ENPP2: variants seen among roughly 807,000 people sequenced by gnomAD.
ENPP2 encodes the protein ectonucleotide pyrophosphatase/phosphodiesterase 2.
ENPP2 carries 51 observed loss-of-function variants against 120.2 expected under a neutral mutation model. The ratio of observed to expected loss-of-function variants is 0.42; its 90% CI spans 0.34 to 0.54. The LOEUF is 0.54. Among genes scored for constraint, ENPP2 ranks in the 20% least tolerant of loss-of-function variants. ENPP2 has a pLI of 0.04. For synonymous variants in ENPP2, 365 were observed against 366.4 expected (o/e 1.00, Z 0.04); for missense variants, 920 against 1,066.5 (o/e 0.86, Z 1.91).
intron 11 of ENPP2, among the ~76,000 whole-genome samples, chr8:119,599,265 T>C (rs1250189233): frequency 6.6e-6 from 1 of 152,210 alleles, no homozygotes; most frequent in African/African-American, 2.4e-5. Context: ...TGGTTTTACG[T>C]AGCTATTAGT....
intron 20 of ENPP2, 49 bp downstream of exon 20, chr8:119,570,656 T>G: frequency 9.7e-7 from 1 of 1,031,996 alleles, no homozygotes. Context: ...TGTATTAACA[T>G]GAGGAATGTA....
intron 2 of ENPP2, among the ~76,000 whole-genome samples, chr8:119,634,460 C>T (rs4404943): frequency 0.12 from 18,122 of 152,130 alleles, 1,219 homozygotes; most frequent in South Asian, 0.16. Flanking sequence ...AGTTTAAACA[C>T]TGGCCTTCAA....
intron 18 of ENPP2, 63 bp downstream of exon 18, chr8:119,582,355 A>G: frequency 7.8e-7 from 1 of 1,281,910 alleles, no homozygotes; most frequent in Non-Finnish European, 1.1e-6. Context: ...AGAAAGTTCT[A>G]TGGGCCAGCA....
intron 1 of ENPP2, among the ~76,000 whole-genome samples, chr8:119,649,531 A>G (rs1289303825): frequency 6.6e-6 from 1 of 152,218 alleles, no homozygotes; most frequent in Non-Finnish European, 1.5e-5. Context: ...AATCACTGAG[A>G]TATATTAAAG....
intron 12 of ENPP2, among the ~76,000 whole-genome samples, chr8:119,593,343 T>C (rs1587420309): frequency 1.3e-5 from 2 of 152,264 alleles, no homozygotes; most frequent in South Asian, 4.2e-4. Context: ...TTCTTTATCA[T>C]ATTTAGATGT....
At chr8:119,580,069 C>T (rs765724758) in intron 19 of ENPP2, 47 bp downstream of exon 19, 75 of 1,398,870 alleles carry the variant, frequency 5.4e-5, no homozygotes, top group Admixed American at 7.0e-5. Context: ...TTTCGATTTT[C>T]GAAAACGAGA....
chr8:119,655,126 A>G (rs1817731441), intron 1 of ENPP2, among the ~76,000 whole-genome samples: 1 of 152,214 alleles, frequency 6.6e-6, no homozygotes, highest in Admixed American at 6.5e-5. Context: ...AGCTAAGAAA[A>G]GAAGAAAGAA....
chr8:119,594,252 A>G (rs996770897), intron 11 of ENPP2, among the ~76,000 whole-genome samples: 1 of 152,242 alleles, frequency 6.6e-6, no homozygotes, highest in South Asian at 2.1e-4. Flanking sequence ...GCAAGAAGAT[A>G]GACGCTAAGT....
chr8:119,631,508 G>A (rs1054332926), intron 2 of ENPP2, among the ~76,000 whole-genome samples: 6 of 151,982 alleles, frequency 3.9e-5, no homozygotes, highest in East Asian at 1.9e-4. Context: ...GAGCCACCAC[G>A]CCCAGTCTAT....
rs141815516 is a variant in ENPP2, at chr8:119,580,358, T to C, written c.1729-191A>G. ...ACATTCTGGGCTCCACCTCTAGCAGTTCTATGTTTGTAAGCACCTTCTTCA... is the reference window on the plus strand; with the variant it reads ...ACATTCTGGGCTCCACCTCTAGCAGCTCTATGTTTGTAAGCACCTTCTTCA... On this transcript the variant is annotated intron_variant, in intron 18 of 24. Coordinates refer to ENST00000075322, the MANE Select transcript of ENPP2 (RefSeq NM_001040092.3). 1.3e-3 allele frequency: 776 copies of C among 608,164 alleles called. 5 individuals carry two copies. Among genetic ancestry groups the C allele is most frequent in the African/African-American group, 0.012 (627 of 54,324 alleles). The allele number at this position is 608,164 out of a possible 1,614,324, so 37.7% of individuals were successfully genotyped here. A position where few individuals can be genotyped will look rare whatever the true frequency, so the allele number is the denominator to read the frequency against.
chr8:119,620,776 T>C (rs1035453416), intron 4 of ENPP2, among the ~76,000 whole-genome samples: 4 of 152,240 alleles, frequency 2.6e-5, no homozygotes, highest in Non-Finnish European at 5.9e-5. Flanking sequence ...CCAACACTCA[T>C]GCATATATGG....
intron 13 of ENPP2, among the ~76,000 whole-genome samples, chr8:119,588,070 T>C (rs146016097): frequency 0.01 from 1,534 of 152,310 alleles, 35 homozygotes; most frequent in African/African-American, 0.034. Flanking sequence ...GATATAAATA[T>C]ACAGACTCCA....
chr8:119,572,213 G>A, intron 19 of ENPP2: 1 of 1,555,408 alleles, frequency 6.4e-7, no homozygotes, highest in African/African-American at 1.4e-5. Flanking sequence ...TGTTTTCCTT[G>A]TTTTCATTTC....
intron 17 of ENPP2, among the ~76,000 whole-genome samples, chr8:119,583,474 G>T (rs780191626): frequency 6.6e-6 from 1 of 152,192 alleles, no homozygotes; most frequent in Non-Finnish European, 1.5e-5. Flanking sequence ...TGTTAGACCA[G>T]CCAGAGGCTG....
chr8:119,558,140 G>T (rs555902903), intron 24 of ENPP2, among the ~76,000 whole-genome samples: 2 of 152,302 alleles, frequency 1.3e-5, no homozygotes, highest in Admixed American at 1.3e-4. Context: ...TGATGTGTGT[G>T]CATTCCTAGT....
At chr8:119,613,342 C>T (rs1815241465) in intron 8 of ENPP2, among the ~76,000 whole-genome samples, 1 of 152,140 alleles carries the variant, frequency 6.6e-6, no homozygotes, top group Admixed American at 6.5e-5. Context: ...AAATTATTTT[C>T]GGAAGACGCC....
chr8:119,590,202 C>A (rs1813399986), intron 13 of ENPP2, among the ~76,000 whole-genome samples: 2 of 152,162 alleles, frequency 1.3e-5, no homozygotes, highest in Non-Finnish European at 2.9e-5. Flanking sequence ...ATGCTTCAAA[C>A]TAAGTGCAAT....
intron 1 of ENPP2, among the ~76,000 whole-genome samples, chr8:119,656,646 T>A (rs1817772990): frequency 1.3e-5 from 2 of 152,154 alleles, no homozygotes. Flanking sequence ...TTACATTTTA[T>A]TGGATGGAAT....
intron 2 of ENPP2, among the ~76,000 whole-genome samples, chr8:119,632,374 C>T (rs1443323678): frequency 2.6e-5 from 4 of 152,194 alleles, no homozygotes; most frequent in African/African-American, 9.7e-5. Flanking sequence ...CTTGAAATTT[C>T]TTATGAGGCA....
Sources: allele counts gnomAD v4.1 joint callset (sites outside exome capture counted in the v4.1 genomes callset), GRCh38; gene constraint gnomAD v4.1.1; transcripts MANE v1.5; gene names NCBI Gene and HGNC (gene_info 2026-07-23, HGNC 2026-07-21).